Variants in RAB38 observed in about 807,000 individuals in gnomAD.
RAB38 encodes the protein ras-related protein Rab-38.
In RAB38, 15 loss-of-function variants were observed where a neutral mutation model predicts 18.4. The ratio of observed to expected loss-of-function variants is 0.82; its 90% CI spans 0.55 to 1.26. The LOEUF (loss-of-function observed/expected upper bound fraction) is 1.26. Ranked by LOEUF, RAB38 falls within the 50% of genes most tolerant of loss-of-function variation. The probability of loss-of-function intolerance (pLI) is 0.00; values close to 1 mark genes in which losing one functional copy is unlikely to be tolerated. For synonymous variants in RAB38, 101 were observed against 104.4 expected (o/e 0.97, Z 0.20); for missense variants, 294 against 267.4 (o/e 1.10, Z -0.69).
chr11:87,933,947 G>C, the RAB38 span, among the ~76,000 whole-genome samples: 3 of 152,116 alleles, frequency 2.0e-5, no homozygotes, highest in Non-Finnish European at 4.4e-5. Context: ...ATCATGAAGA[G>C]AAGTTTGTGC....
the RAB38 span, among the ~76,000 whole-genome samples, chr11:88,057,181 G>T: frequency 6.6e-6 from 1 of 152,200 alleles, no homozygotes; most frequent in Non-Finnish European, 1.5e-5. Flanking sequence ...CACAGAAAGT[G>T]AGCTAAAAAC....
chr11:87,886,316 AGT>A, the RAB38 span, among the ~76,000 whole-genome samples: 32 of 149,120 alleles, frequency 2.1e-4, no homozygotes, highest in South Asian at 4.3e-4. Flanking sequence ...CTATGTTGTG[AGT>A]GTGTGTGTGT....
the RAB38 span, among the ~76,000 whole-genome samples, chr11:87,953,056 T>TGTCATTATTTATAAAC: frequency 6.7e-6 from 1 of 148,710 alleles, no homozygotes; most frequent in Non-Finnish European, 1.5e-5. Context: ...ATTATGTAAA[T>TGTCATTATTTATAAAC]ATGTCATTAT....
intron 1 of RAB38, among the ~76,000 whole-genome samples, chr11:88,156,366 G>A (rs1250639609): frequency 1.3e-5 from 2 of 152,152 alleles, no homozygotes; most frequent in African/African-American, 4.8e-5. Flanking sequence ...AGAGACTGGG[G>A]GCCTATTTTC....
chr11:88,066,536 TAAC>T, the RAB38 span, among the ~76,000 whole-genome samples: 1 of 152,150 alleles, frequency 6.6e-6, no homozygotes, highest in Admixed American at 6.6e-5. Flanking sequence ...AAGGATAAAA[TAAC>T]AAAGTATAAA....
the RAB38 span, among the ~76,000 whole-genome samples, chr11:87,830,499 C>T: frequency 2.6e-5 from 4 of 151,536 alleles, no homozygotes; most frequent in South Asian, 2.1e-4. Context: ...AAAAACTGCT[C>T]GAAGCCTAAT....
the RAB38 span, among the ~76,000 whole-genome samples, chr11:88,026,616 G>A: frequency 2.8e-5 from 4 of 141,776 alleles, no homozygotes; most frequent in East Asian, 4.4e-4. Context: ...CTGACCTCAT[G>A]ATCCGCCCGC....
the RAB38 span, among the ~76,000 whole-genome samples, chr11:88,076,499 A>G: frequency 1.3e-5 from 2 of 152,178 alleles, no homozygotes; most frequent in Non-Finnish European, 2.9e-5. Flanking sequence ...TTCACAGATG[A>G]CATGATCTTA....
the RAB38 span, among the ~76,000 whole-genome samples, chr11:87,929,022 T>A: frequency 2.6e-3 from 401 of 152,010 alleles, no homozygotes; most frequent in South Asian, 0.019. Context: ...GATTGAAGCA[T>A]GAGAATCTCT....
At chr11:87,807,130 C>G in the RAB38 span, among the ~76,000 whole-genome samples, 1 of 152,148 alleles carries the variant, frequency 6.6e-6, no homozygotes, top group African/African-American at 2.4e-5. Flanking sequence ...AATCTAATGC[C>G]TGATGATCTC....
At chr11:87,857,919 T>C in the RAB38 span, among the ~76,000 whole-genome samples, 277 of 152,338 alleles carry the variant, frequency 1.8e-3, 1 homozygote, top group African/African-American at 6.2e-3. Flanking sequence ...TTTGGTGTTT[T>C]AGACATGAAG....
At chr11:88,077,562 T>A in the RAB38 span, among the ~76,000 whole-genome samples, 1 of 152,080 alleles carries the variant, frequency 6.6e-6, no homozygotes, top group Non-Finnish European at 1.5e-5. Context: ...AAAGACAGAA[T>A]CTTCAATGAA....
At chr11:88,030,127 C>T in the RAB38 span, among the ~76,000 whole-genome samples, 1 of 152,128 alleles carries the variant, frequency 6.6e-6, no homozygotes, top group Non-Finnish European at 1.5e-5. Flanking sequence ...TCCTGAATGA[C>T]TACTGGGTAC....
intron 1 of RAB38, among the ~76,000 whole-genome samples, chr11:88,163,022 T>C (rs1943205179): frequency 6.6e-6 from 1 of 152,114 alleles, no homozygotes; most frequent in African/African-American, 2.4e-5. Flanking sequence ...CACACTCATC[T>C]CTTCACTCTT....
the RAB38 span, among the ~76,000 whole-genome samples, chr11:87,933,393 G>A: frequency 1.3e-3 from 191 of 152,150 alleles, 1 homozygote; most frequent in African/African-American, 4.1e-3. Flanking sequence ...TACATGAGTA[G>A]AACATGTGTT....
At chr11:87,944,222 G>A in the RAB38 span, among the ~76,000 whole-genome samples, 1 of 152,118 alleles carries the variant, frequency 6.6e-6, no homozygotes, top group South Asian at 2.1e-4. Flanking sequence ...TTAGAAAAGT[G>A]GTATGCTAGT....
At chr11:87,884,732 G>A in the RAB38 span, among the ~76,000 whole-genome samples, 2 of 151,882 alleles carry the variant, frequency 1.3e-5, no homozygotes, top group Non-Finnish European at 2.9e-5. Flanking sequence ...ATCAAAATCA[G>A]TTGAGGGACT....
the RAB38 span, among the ~76,000 whole-genome samples, chr11:87,852,830 T>G: frequency 6.6e-6 from 1 of 152,152 alleles, no homozygotes; most frequent in Non-Finnish European, 1.5e-5. Context: ...TTTTCTCACC[T>G]CTTTTCAAAT....
At chr11:88,075,575 T>C in the RAB38 span, among the ~76,000 whole-genome samples, 1 of 152,164 alleles carries the variant, frequency 6.6e-6, no homozygotes, top group African/African-American at 2.4e-5. Context: ...TAAACACCTA[T>C]ATCAAAAAGA....
Sources: allele counts gnomAD v4.1 joint callset (sites outside exome capture counted in the v4.1 genomes callset), GRCh38; gene constraint gnomAD v4.1.1; transcripts MANE v1.5; gene names NCBI Gene and HGNC (gene_info 2026-07-23, HGNC 2026-07-21).